MYO3A: variants seen among roughly 807,000 people sequenced by gnomAD.
MYO3A encodes myosin-IIIa.
Under a neutral mutation model 192.7 loss-of-function variants are expected in MYO3A, and 180 were observed. The ratio of observed to expected loss-of-function variants is 0.93; its 90% CI spans 0.83 to 1.06. The LOEUF (loss-of-function observed/expected upper bound fraction) is 1.06. MYO3A is among the 50% of genes least tolerant of loss of function. The probability of loss-of-function intolerance (pLI) is 0.00; values close to 1 mark genes in which losing one functional copy is unlikely to be tolerated. For synonymous variants in MYO3A, 628 were observed against 645.3 expected, an observed-to-expected ratio of 0.97 and a Z score of 0.41; for missense variants, 1,896 against 1,905.0, an observed-to-expected ratio of 1.00 and a Z score of 0.09.
chr10:26,120,732 A>G lies in MYO3A; in HGVS notation c.1833A>G (p.Glu611=). Residue 611 remains glutamate (E), a synonymous_variant, in exon 18 of 35, where the codon GAA becomes GAG. Transcript: ENST00000642920. ...LAAILNVGNI[E]FSSVATEHQI... is the part of the protein sequence containing the mutation. ...CAATCTTGAATGTTGGCAACATTGAATTTTCTTCTGTGGCAACTGAACACC... is the reference window on the plus strand; with the variant it reads ...CAATCTTGAATGTTGGCAACATTGAGTTTTCTTCTGTGGCAACTGAACACC... 6.2e-7 allele frequency: 1 copy of G among 1,614,066 alleles called. No individual in the cohort carries two copies. Among genetic ancestry groups the G allele is most frequent in the Non-Finnish European group, 8.5e-7 (1 of 1,179,990 alleles).
intron 17 of MYO3A, among the ~76,000 whole-genome samples, chr10:26,111,575 G>A (rs139210665): frequency 1.9e-3 from 287 of 152,108 alleles, no homozygotes; most frequent in Non-Finnish European, 3.0e-3. Context: ...CTCCCTAATC[G>A]GGTCCTCATT....
At chr10:26,003,852 A>G (rs920735846) in intron 6 of MYO3A, among the ~76,000 whole-genome samples, 5 of 152,150 alleles carry the variant, frequency 3.3e-5, no homozygotes, top group African/African-American at 1.2e-4. Flanking sequence ...CATTCTTATG[A>G]CAGAATATTT....
At chr10:26,034,926 CGTGT>C (rs146134022) in intron 10 of MYO3A, among the ~76,000 whole-genome samples, 1 of 147,740 alleles carries the variant, frequency 6.8e-6, no homozygotes, top group Non-Finnish European at 1.5e-5. Context: ...TTACATGAAG[CGTGT>C]GTGTGTGTGT....
At position 26,170,462 on chromosome 10, in the gene MYO3A, C is replaced by T. The variant is rs1178803774; in HGVS notation, c.3321C>T (p.Asp1107=). 6.2e-7 allele frequency: 1 copy of T among 1,613,554 alleles called. No homozygotes were observed. Among genetic ancestry groups the T allele is most frequent in the Admixed American group, 1.7e-5 (1 of 60,008 alleles). ...GGAAACAAAGAAAAGAAATTGTTGACATGAAAAACACAGCAGTAACAACCA... is the reference window on the plus strand; with the variant it reads ...GGAAACAAAGAAAAGAAATTGTTGATATGAAAAACACAGCAGTAACAACCA... The part of the protein sequence containing the change: ...LVRKQRKEIV[D]MKNTAVTTIQ... Residue 1107 remains aspartate, a synonymous_variant, in exon 29 of 35, where the codon GAC becomes GAT. Transcript: ENST00000642920.
intron 18 of MYO3A, among the ~76,000 whole-genome samples, chr10:26,124,336 A>G (rs1461446429): frequency 6.6e-6 from 1 of 152,142 alleles, no homozygotes; most frequent in Non-Finnish European, 1.5e-5. Flanking sequence ...AAAATTATTG[A>G]TATATTATCA....
At chr10:26,020,304 A>G (rs1020564961) in intron 7 of MYO3A, among the ~76,000 whole-genome samples, 6 of 152,272 alleles carry the variant, frequency 3.9e-5, no homozygotes, top group Admixed American at 1.3e-4. Context: ...AATCACACTG[A>G]TATGCTTATA....
At chr10:25,974,788 A>G (rs893575087) in intron 4 of MYO3A, among the ~76,000 whole-genome samples, 1 of 152,192 alleles carries the variant, frequency 6.6e-6, no homozygotes, top group Admixed American at 6.5e-5. Context: ...GCTTCACTGG[A>G]GAATGAATTG....
At chr10:25,945,515 G>A (rs1028901719) in intron 2 of MYO3A, among the ~76,000 whole-genome samples, 2 of 151,878 alleles carry the variant, frequency 1.3e-5, no homozygotes, top group African/African-American at 4.8e-5. Context: ...GTCAGTGTTT[G>A]TTCATATATT....
chr10:26,084,626 T>C (rs899219863), intron 14 of MYO3A, among the ~76,000 whole-genome samples: 1 of 152,144 alleles, frequency 6.6e-6, no homozygotes, highest in Non-Finnish European at 1.5e-5. Flanking sequence ...GCTTCAGCCT[T>C]CCAAGTAGCT....
At chr10:26,097,846 T>C (rs11014956) in intron 17 of MYO3A, among the ~76,000 whole-genome samples, 4,058 of 152,258 alleles carry the variant, frequency 0.027, 203 homozygotes, top group African/African-American at 0.092. Flanking sequence ...ACAATAAACA[T>C]ATGTGTGCAT....
chr10:26,165,763 CAAAAA>C, intron 26 of MYO3A: 2 of 421,910 alleles, frequency 4.7e-6, no homozygotes, highest in South Asian at 6.7e-5. Context: ...AGCGAAAAAA[CAAAAA>C]CAAAACTGCT....
intron 26 of MYO3A, among the ~76,000 whole-genome samples, chr10:26,158,018 C>T (rs1410210845): frequency 2.0e-5 from 3 of 152,072 alleles, no homozygotes; most frequent in East Asian, 3.9e-4. Context: ...AAAGAATTAT[C>T]CAGCCCCAAA....
chr10:26,178,945 G>A (rs1366253486), intron 31 of MYO3A, among the ~76,000 whole-genome samples: 1 of 151,730 alleles, frequency 6.6e-6, no homozygotes, highest in Non-Finnish European at 1.5e-5. Flanking sequence ...GGGGCTCCAG[G>A]CGCCAGCCAC....
At chr10:26,206,250 G>A (rs909136506) in intron 34 of MYO3A, among the ~76,000 whole-genome samples, 4 of 150,812 alleles carry the variant, frequency 2.7e-5, no homozygotes, top group African/African-American at 4.9e-5. Flanking sequence ...TGGTAGAGAC[G>A]GGGTTTCACC....
chr10:26,158,003 A>G (rs57058011), intron 26 of MYO3A, among the ~76,000 whole-genome samples: 231 of 152,246 alleles, frequency 1.5e-3, no homozygotes, highest in African/African-American at 5.2e-3. Flanking sequence ...TGGCCTCCCC[A>G]CAACAAAGAA....
At chr10:25,949,295 T>C (rs1280106825) in intron 2 of MYO3A, among the ~76,000 whole-genome samples, 1 of 152,094 alleles carries the variant, frequency 6.6e-6, no homozygotes, top group Non-Finnish European at 1.5e-5. Context: ...AACAGTTAAC[T>C]CCTGAGAGTT....
At chr10:26,089,739 T>C (rs1836579107) in intron 15 of MYO3A, among the ~76,000 whole-genome samples, 1 of 152,206 alleles carries the variant, frequency 6.6e-6, no homozygotes, top group Non-Finnish European at 1.5e-5. Context: ...ATTCATTGTA[T>C]GTATGATTTG....
chr10:25,940,548 T>G (rs1836422178), intron 2 of MYO3A, among the ~76,000 whole-genome samples: 1 of 152,124 alleles, frequency 6.6e-6, no homozygotes, highest in African/African-American at 2.4e-5. Context: ...TCTTTGCTGT[T>G]TTTGGTAATT....
At chr10:26,205,412 G>C (rs887518578) in intron 34 of MYO3A, among the ~76,000 whole-genome samples, 2 of 147,184 alleles carry the variant, frequency 1.4e-5, no homozygotes, top group African/African-American at 5.1e-5. Context: ...CCCCAGTCCC[G>C]TGACCAGTGC....
Sources: allele counts gnomAD v4.1 joint callset (sites outside exome capture counted in the v4.1 genomes callset), GRCh38; gene constraint gnomAD v4.1.1; transcripts MANE v1.5; gene names NCBI Gene and HGNC (gene_info 2026-07-23, HGNC 2026-07-21).